MACROD2: variants seen among roughly 807,000 people sequenced by gnomAD.
MACROD2 encodes the protein mono-ADP ribosylhydrolase 2.
In MACROD2, 36 loss-of-function variants were observed where a neutral mutation model predicts 70.4. The ratio of observed to expected loss-of-function variants is 0.51; its 90% confidence interval spans 0.39 to 0.68. The LOEUF (loss-of-function observed/expected upper bound fraction) is 0.68, where lower values mean the gene tolerates loss of function less well. Among genes scored for constraint, MACROD2 ranks in the 30% least tolerant of loss-of-function variants. The probability of loss-of-function intolerance (pLI) is 0.00; values close to 1 mark genes in which losing one functional copy is unlikely to be tolerated. For missense variants in MACROD2, 496 were observed against 538.4 expected (o/e 0.92, Z 0.78); for synonymous variants, 172 against 178.8 (o/e 0.96, Z 0.30).
At chr20:15,506,772 T>TA (rs1321649387) in intron 8 of MACROD2, among the ~76,000 whole-genome samples, 2 of 152,232 alleles carry the variant, frequency 1.3e-5, no homozygotes, top group African/African-American at 4.8e-5. Context: ...GCAAAAGGCA[T>TA]AATGTGCCAT....
At chr20:15,278,109 T>C (rs1269761289) in intron 6 of MACROD2, among the ~76,000 whole-genome samples, 1 of 152,184 alleles carries the variant, frequency 6.6e-6, no homozygotes, top group Admixed American at 6.5e-5. Flanking sequence ...ACTGCAGTGA[T>C]GTTACAGTTA....
At chr20:15,364,930 G>T (rs1436198066) in intron 6 of MACROD2, among the ~76,000 whole-genome samples, 1 of 152,184 alleles carries the variant, frequency 6.6e-6, no homozygotes, top group Non-Finnish European at 1.5e-5. Context: ...CAGGAAAAAA[G>T]AGAAGTCTAA....
chr20:14,413,789 CT>C (rs891108056), intron 3 of MACROD2, among the ~76,000 whole-genome samples: 17 of 150,292 alleles, frequency 1.1e-4, no homozygotes, highest in Admixed American at 4.6e-4. Context: ...ACTTTTGCTG[CT>C]TTTTTTTTCC....
intron 3 of MACROD2, among the ~76,000 whole-genome samples, chr20:14,440,879 C>T (rs563111642): frequency 3.9e-5 from 6 of 152,052 alleles, no homozygotes; most frequent in Non-Finnish European, 7.4e-5. Flanking sequence ...CCTTTGTGAA[C>T]ATTAGAAGAG....
chr20:14,684,946 C>A lies in MACROD2; in HGVS notation c.405C>A (p.Asp135Glu). Residue 135 changes from aspartate to glutamate, a missense_variant, in exon 5 of 18, where the codon GAC (aspartate) becomes GAA (glutamate). Transcript: ENST00000684519. Reference sequence around the variant, plus strand: ...ATGCAAAAATCACATGTGGCTATGACCTTCCTGCAAAATGTGAGTACAACT... The same window carrying A: ...ATGCAAAAATCACATGTGGCTATGAACTTCCTGCAAAATGTGAGTACAACT... ...TGHAKITCGY[D>E]LPAKYVIHTV... 1 of 1,613,352 alleles carries A rather than the reference C, an allele frequency of 6.2e-7. No homozygotes were observed. Among genetic ancestry groups the A allele is most frequent in the Admixed American group, 1.7e-5 (1 of 59,992 alleles).
intron 3 of MACROD2, among the ~76,000 whole-genome samples, chr20:14,359,852 A>T (rs1324862179): frequency 1.3e-5 from 2 of 152,102 alleles, no homozygotes; most frequent in East Asian, 3.9e-4. Flanking sequence ...ACAGAGTGAG[A>T]CCCTGTCTCA....
intron 4 of MACROD2, among the ~76,000 whole-genome samples, chr20:14,593,144 G>T (rs750144874): frequency 5.3e-5 from 4 of 75,682 alleles, no homozygotes; most frequent in Admixed American, 1.8e-4. Context: ...TATCCTTCAA[G>T]AAAGAAATGA....
At chr20:15,881,868 G>A (rs1020393002) in intron 9 of MACROD2, among the ~76,000 whole-genome samples, 6 of 152,128 alleles carry the variant, frequency 3.9e-5, no homozygotes. Flanking sequence ...AAGCAAGATG[G>A]AGTCTGCTGT....
At chr20:14,300,799 T>C (rs539164487) in intron 3 of MACROD2, among the ~76,000 whole-genome samples, 8 of 152,306 alleles carry the variant, frequency 5.3e-5, no homozygotes, top group Non-Finnish European at 1.2e-4. Context: ...ATAAAAGACC[T>C]TGGATGTAAT....
chr20:14,998,970 G>A (rs2074972153), intron 5 of MACROD2, among the ~76,000 whole-genome samples: 1 of 152,280 alleles, frequency 6.6e-6, no homozygotes, highest in Non-Finnish European at 1.5e-5. Context: ...CCAGGAGAGA[G>A]TGGCATGGCA....
At chr20:15,011,286 G>A (rs1223741203) in intron 5 of MACROD2, among the ~76,000 whole-genome samples, 2 of 152,132 alleles carry the variant, frequency 1.3e-5, no homozygotes, top group African/African-American at 4.8e-5. Context: ...GGGAGGAAGA[G>A]CAGGAAAGAG....
intron 8 of MACROD2, among the ~76,000 whole-genome samples, chr20:15,750,737 G>C (rs965275225): frequency 1.3e-5 from 2 of 151,878 alleles, no homozygotes; most frequent in African/African-American, 4.8e-5. Flanking sequence ...ATGGATGAAT[G>C]GATAAAGAAA....
At chr20:14,068,914 C>CAGT (rs1321323573) in intron 2 of MACROD2, among the ~76,000 whole-genome samples, 1 of 152,050 alleles carries the variant, frequency 6.6e-6, no homozygotes, top group African/African-American at 2.4e-5. Context: ...TTAACTTGAC[C>CAGT]AGTACCATGT....
At chr20:15,113,192 A>G (rs898917568) in intron 5 of MACROD2, among the ~76,000 whole-genome samples, 7 of 150,964 alleles carry the variant, frequency 4.6e-5, no homozygotes, top group African/African-American at 9.7e-5. Context: ...AGGAAATGCA[A>G]TACATTTTTT....
At chr20:14,410,436 A>G (rs2083737643) in intron 3 of MACROD2, among the ~76,000 whole-genome samples, 1 of 151,868 alleles carries the variant, frequency 6.6e-6, no homozygotes, top group African/African-American at 2.4e-5. Context: ...TTCTATGTGT[A>G]CTCAATGTTT....
Position 14,505,704 on chromosome 20 carries a change from T to C in MACROD2, c.301+12196T>C, listed in dbSNP as rs775770642. On this transcript the variant is annotated intron_variant, in intron 4 of 17. Transcript: ENST00000684519. ...GAGGTGAAGTCCATGAATTTGCATT[T>C]CTAACAAGTTCCGTTTTAATGCTGA... 2.8e-4 allele frequency among the ~76,000 whole-genome samples: 42 copies of C among 152,332 alleles called. 1 individual carries two copies. The highest frequency in any genetic ancestry group is 3.4e-3 in the Middle Eastern group (1 of 294).
intron 4 of MACROD2, among the ~76,000 whole-genome samples, chr20:14,525,143 C>T (rs2085216351): frequency 6.6e-6 from 1 of 152,126 alleles, no homozygotes; most frequent in South Asian, 2.1e-4. Flanking sequence ...GATATATTAG[C>T]TATATTGGTG....
At chr20:15,007,294 T>G (rs1337418301) in intron 5 of MACROD2, among the ~76,000 whole-genome samples, 1 of 151,454 alleles carries the variant, frequency 6.6e-6, no homozygotes, top group Non-Finnish European at 1.5e-5. Context: ...AACCTGGGAG[T>G]TGGAGGTTGC....
At chr20:16,047,571 C>T (rs961903571) in intron 17 of MACROD2, among the ~76,000 whole-genome samples, 5 of 152,110 alleles carry the variant, frequency 3.3e-5, no homozygotes, top group African/African-American at 4.8e-5. Context: ...TGCCTGGAAT[C>T]CAGACACCTT....
Sources: allele counts gnomAD v4.1 joint callset (sites outside exome capture counted in the v4.1 genomes callset), GRCh38; gene constraint gnomAD v4.1.1; transcripts MANE v1.5; gene names NCBI Gene and HGNC (gene_info 2026-07-23, HGNC 2026-07-21).